RYR3: variants seen among roughly 807,000 people sequenced by gnomAD.
The protein encoded by RYR3 is brain ryanodine receptor-calcium release channel.
RYR3 carries 207 observed loss-of-function variants against 584.3 expected under a neutral mutation model. The ratio of observed to expected loss-of-function variants is 0.35; its 90% confidence interval spans 0.32 to 0.40. The LOEUF is 0.40. RYR3 is among the 10% of genes least tolerant of loss of function. The pLI is 1.00. For synonymous variants in RYR3, 2,416 were observed against 2,248.5 expected (o/e 1.07, Z -2.11); for missense variants, 5,616 against 6,089.2 (o/e 0.92, Z 2.59).
At chr15:33,732,433 C>T (rs991862987) in intron 48 of RYR3, among the ~76,000 whole-genome samples, 1 of 150,300 alleles carries the variant, frequency 6.7e-6, no homozygotes. Context: ...CCAAGACCAG[C>T]AACAAATGAA....
chr15:33,859,769 A>T (rs2080131226), intron 100 of RYR3, 38 bp downstream of exon 100: 6 of 1,563,222 alleles, frequency 3.8e-6, no homozygotes, highest in Non-Finnish European at 5.2e-6. Context: ...AACAGGGTTT[A>T]ATCTAGTTCT....
At chr15:33,829,780 T>C (rs1596863804) in intron 85 of RYR3, among the ~76,000 whole-genome samples, 1 of 151,162 alleles carries the variant, frequency 6.6e-6, no homozygotes, top group East Asian at 1.9e-4. Flanking sequence ...TTTTGATTCA[T>C]GGGAGAAGGT....
In RYR3 at chr15:33,840,819, G is replaced by T. The variant is rs191896519; in HGVS notation, c.12979-6G>T. On this transcript the variant is annotated splice_region_variant and splice_polypyrimidine_tract_variant and intron_variant, in intron 89 of 103. Coordinates refer to ENST00000634891, the MANE Select transcript of RYR3 (RefSeq NM_001036.6). The stretch of plus-strand genomic sequence containing the variant: ...GAAAGCTTGACTAATTGTTATTTTT[G>T]TCTAGGCAGCAGAAATGAAAGCAGC... 4.3e-6 allele frequency: 7 copies of T among 1,613,618 alleles called. No individual in the cohort carries two copies. In the African/African-American group the frequency reaches 5.3e-5, roughly 12 times the overall value.
chr15:33,584,000 C>T (rs1371972387), intron 14 of RYR3, among the ~76,000 whole-genome samples: 55 of 143,028 alleles, frequency 3.8e-4, no homozygotes, highest in Non-Finnish European at 9.4e-5. Flanking sequence ...TGCAGTGAGC[C>T]GAGATTGCAC....
intron 42 of RYR3, among the ~76,000 whole-genome samples, chr15:33,704,387 A>C (rs535312822): frequency 6.6e-6 from 1 of 152,340 alleles, no homozygotes. Context: ...GAGTAAGTGA[A>C]AATGACCAGA....
At chr15:33,584,322 G>A (rs1261137657) in intron 14 of RYR3, 73 bp from the exon 15 acceptor site, 25 of 767,966 alleles carry the variant, frequency 3.3e-5, no homozygotes, top group East Asian at 5.5e-5. Flanking sequence ...TGAAATATTC[G>A]ACAGCTTTCC....
At chr15:33,458,989 A>G (rs1000779851) in intron 1 of RYR3, among the ~76,000 whole-genome samples, 9 of 152,088 alleles carry the variant, frequency 5.9e-5, no homozygotes, top group Non-Finnish European at 1.0e-4. Context: ...ATATCTACCA[A>G]CCTTCTCTAA....
intron 74 of RYR3, among the ~76,000 whole-genome samples, chr15:33,816,090 G>A (rs779710981): frequency 5.3e-5 from 8 of 152,152 alleles, no homozygotes; most frequent in Non-Finnish European, 1.0e-4. Flanking sequence ...GTGTCCTACC[G>A]AAAACCATGA....
chr15:33,715,987 A>G (rs1596294102), intron 43 of RYR3, among the ~76,000 whole-genome samples: 1 of 152,080 alleles, frequency 6.6e-6, no homozygotes, highest in Non-Finnish European at 1.5e-5. Flanking sequence ...ACGTGTTTGG[A>G]TCATGGGGGC....
intron 100 of RYR3, among the ~76,000 whole-genome samples, chr15:33,860,196 C>A (rs1942841172): frequency 6.6e-6 from 1 of 152,170 alleles, no homozygotes; most frequent in Non-Finnish European, 1.5e-5. Flanking sequence ...ACCTGTAAGA[C>A]ATGCAGGTGT....
At chr15:33,496,427 A>G (rs892701541) in intron 2 of RYR3, among the ~76,000 whole-genome samples, 4 of 152,128 alleles carry the variant, frequency 2.6e-5, no homozygotes, top group Admixed American at 6.6e-5. Context: ...AAAGGGGGAA[A>G]TTGAAGGCCT....
chr15:33,450,075 A>T (rs2596157), intron 1 of RYR3, among the ~76,000 whole-genome samples: 1 of 136,218 alleles, frequency 7.3e-6, no homozygotes, highest in African/African-American at 2.8e-5. Context: ...CTGCGGCTAG[A>T]GCATTAATAC....
intron 18 of RYR3, among the ~76,000 whole-genome samples, chr15:33,610,823 T>C (rs1373817645): frequency 6.6e-6 from 1 of 152,182 alleles, no homozygotes; most frequent in Non-Finnish European, 1.5e-5. Flanking sequence ...AAGGTAATTT[T>C]TTACAAAATT....
At chr15:33,673,427 A>G (rs2063966369) in intron 38 of RYR3, among the ~76,000 whole-genome samples, 1 of 152,264 alleles carries the variant, frequency 6.6e-6, no homozygotes, top group Admixed American at 6.5e-5. Flanking sequence ...AATTAACTCC[A>G]AGCCATATTG....
intron 63 of RYR3, among the ~76,000 whole-genome samples, chr15:33,772,857 G>C (rs940964597): frequency 2.0e-5 from 3 of 152,228 alleles, no homozygotes; most frequent in Non-Finnish European, 2.9e-5. Context: ...CATAGAAACA[G>C]TGCAGTTCCT....
chr15:33,339,542 C>A (rs1971547669), intron 1 of RYR3, among the ~76,000 whole-genome samples: 1 of 152,124 alleles, frequency 6.6e-6, no homozygotes, highest in African/African-American at 2.4e-5. Flanking sequence ...TCACAAAAAG[C>A]CAAAGATAGC....
At chr15:33,335,487 A>G (rs988622801) in intron 1 of RYR3, among the ~76,000 whole-genome samples, 4 of 152,184 alleles carry the variant, frequency 2.6e-5, no homozygotes, top group African/African-American at 9.7e-5. Context: ...ATGAGAACAC[A>G]TGGACACATA....
rs376944570 is a variant in RYR3 at position 33,842,025 on chromosome 15, C to T, written c.13199C>T (p.Thr4400Ile). 2 of 1,599,610 alleles carry T rather than the reference C, an allele frequency of 1.3e-6. No homozygotes were observed. The highest frequency in any genetic ancestry group is 1.7e-6 in the Non-Finnish European group (2 of 1,172,846). ...TTTAAAGGGCTGGAAATCTATCAGA[C>T]CAAGTTACTGGTAAGCATTCCAACC... The part of the protein sequence containing the change: ...NFFKGLEIYQ[T>I]KLLHYLARNF... The change falls in exon 91 of 104, where the codon ACC becomes ATC. Residue 4400 changes from threonine (T) to isoleucine (I), a missense_variant. Physicochemically the swap from Thr to Ile is moderately conservative, Grantham distance 89. Coordinates refer to ENST00000634891, the MANE Select transcript of RYR3 (RefSeq NM_001036.6).
At chr15:33,602,900 C>T (rs748301697) in intron 17 of RYR3, among the ~76,000 whole-genome samples, 1 of 152,014 alleles carries the variant, frequency 6.6e-6, no homozygotes, top group Non-Finnish European at 1.5e-5. Context: ...TGTGCACCAC[C>T]ATACCCAGCT....
Sources: allele counts gnomAD v4.1 joint callset (sites outside exome capture counted in the v4.1 genomes callset), GRCh38; gene constraint gnomAD v4.1.1; transcripts MANE v1.5; gene names NCBI Gene and HGNC (gene_info 2026-07-23, HGNC 2026-07-21).